Variants in MCOLN1 observed in about 807,000 individuals in gnomAD.
The protein encoded by MCOLN1 is mucolipin-1.
Under a neutral mutation model 70.3 loss-of-function variants are expected in MCOLN1, and 50 were observed. The observed-to-expected ratio is 0.71, with a 90% confidence interval of 0.57 to 0.90. The LOEUF (loss-of-function observed/expected upper bound fraction) is 0.90, where lower values mean the gene tolerates loss of function less well. Ranked by LOEUF, MCOLN1 falls within the 40% of genes least tolerant of loss-of-function variation. MCOLN1 has a pLI of 0.00. For missense variants in MCOLN1, 598 were observed against 803.5 expected (o/e 0.74, Z 3.09); for synonymous variants, 366 against 341.0 (o/e 1.07, Z -0.81).
rs951291657 is a variant in MCOLN1, at chr19:7,524,333, C to CTT, written c.32-627_32-626dup. On this transcript the variant is annotated intron_variant, in intron 1 of 13. Transcript: ENST00000264079. The surrounding 1 kb of genome is among the most constrained non-coding windows in gnomAD (Gnocchi z 4.1). ...TAGCGAATGTGTTCCATTATTATTA[C>CTT]TTATGTTGTCAATTACCTCTTCTCC... is the stretch of plus-strand genomic sequence containing the variant. Among the ~76,000 whole-genome samples the CTT allele has an allele frequency of 2.6e-5, 4 of 152,190 alleles. No homozygotes were observed. The highest frequency in any genetic ancestry group is 9.7e-5 in the African/African-American group (4 of 41,438).
Position 7,525,848 on chromosome 19 carries a change from A to T in MCOLN1, c.238-591A>T. 5.8e-6 allele frequency: 1 copy of T among 171,452 alleles called. No homozygotes were observed. The highest frequency in any genetic ancestry group is 1.3e-5 in the Non-Finnish European group (1 of 78,516). 10.6% of individuals were successfully genotyped at this position (171,452 alleles called of 1,614,324 possible). A position where few individuals can be genotyped will look rare whatever the true frequency, so the allele number is the denominator to read the frequency against. On this transcript the variant is annotated intron_variant, in intron 2 of 13. Coordinates refer to ENST00000264079, the MANE Select transcript of MCOLN1 (RefSeq NM_020533.3). This position sits in a 1 kb window ranked among gnomAD's most constrained non-coding sequence, Gnocchi z 4.2. ...GAGGCTGAGTTGGGTGGATCATTTG[A>T]GGCCAGGAGTTTGAGACCAGCCTGG... is the stretch of plus-strand genomic sequence containing the variant.
intron 10 of MCOLN1, 85 bp from the exon 11 acceptor site, chr19:7,529,505 C>CCCCCCCCCCCCCCCCCCA: frequency 2.6e-6 from 2 of 755,744 alleles, no homozygotes; most frequent in Non-Finnish European, 4.5e-6. Flanking sequence ...GGCAAGGCCC[C>CCCCCCCCCCCCCCCCCCA]GCCCCTCCCA....
In MCOLN1 at chr19:7,526,242, G is replaced by C; in HGVS notation, c.238-197G>C. On this transcript the variant is annotated intron_variant, in intron 2 of 13. Coordinates refer to ENST00000264079, the MANE Select transcript of MCOLN1 (RefSeq NM_020533.3). The surrounding 1 kb of genome is among the most constrained non-coding windows in gnomAD (Gnocchi z 4.6). ...TGGGCGTGGCATGGAGCTTATGCCA[G>C]GAGGTGGGGTGAAATTAATCAAAGC... is the stretch of plus-strand genomic sequence containing the variant. The C allele has an allele frequency of 1.5e-6, 1 of 672,536 alleles. No homozygotes were observed. Among genetic ancestry groups the C allele is most frequent in the South Asian group, 1.7e-5 (1 of 58,866 alleles). 41.7% of individuals were successfully genotyped at this position (672,536 alleles called of 1,614,324 possible).
Position 7,524,301 on chromosome 19 carries a change from G to T in MCOLN1, c.32-660G>T, listed in dbSNP as rs2022536081. 6.6e-6 allele frequency among the ~76,000 whole-genome samples: 1 copy of T among 152,208 alleles called. No individual in the cohort carries two copies. Among genetic ancestry groups the T allele is most frequent in the Non-Finnish European group, 1.5e-5 (1 of 68,032 alleles). On this transcript the variant is annotated intron_variant, in intron 1 of 13. Transcript: ENST00000264079. The surrounding 1 kb of genome is among the most constrained non-coding windows in gnomAD (Gnocchi z 4.1). ...CTGGTGCTTTTCAGGGAGATAAAATGAGTCTTTAGCGAATGTGTTCCATTA... is the reference window on the plus strand; with the variant it reads ...CTGGTGCTTTTCAGGGAGATAAAATTAGTCTTTAGCGAATGTGTTCCATTA...
In MCOLN1 at chr19:7,533,496, G is replaced by C. The variant is rs565683928; in HGVS notation, c.1576-27G>C. ...CTTGGAGGTTGGGAGCCACTTTCAGGCTGAGCCTCCCGGCTTCTCTCCCCA... is the reference window on the plus strand; with the variant it reads ...CTTGGAGGTTGGGAGCCACTTTCAGCCTGAGCCTCCCGGCTTCTCTCCCCA... On this transcript the variant is annotated intron_variant, in intron 12 of 13. Transcript: ENST00000264079. 43 of 1,609,994 alleles carry C rather than the reference G, an allele frequency of 2.7e-5. No homozygotes were observed. The African/African-American group carries it at 4.9e-4, about 18-fold the overall frequency.
At chr19:7,531,927 A>G (rs2022658082) in intron 12 of MCOLN1, among the ~76,000 whole-genome samples, 2 of 152,148 alleles carry the variant, frequency 1.3e-5, no homozygotes, top group Admixed American at 1.3e-4. Context: ...CAGGCTCCCA[A>G]AGTGCTGGGA....
Position 7,533,857 on chromosome 19 carries a change from G to C in MCOLN1, c.*62G>C. 6.3e-7 allele frequency: 1 copy of C among 1,592,374 alleles called. No homozygotes were observed. Among genetic ancestry groups the C allele is most frequent in the East Asian group, 2.2e-5 (1 of 44,558 alleles). ...TGCAGAGACCCCCGCCCCCGACCCC[G>C]CTTATTTATTTGTAGGGTTTGCTTT... On this transcript the variant is annotated 3_prime_UTR_variant, in exon 14 of 14. Transcript: ENST00000264079.
At chr19:7,523,555 A>G (rs1421027480) in intron 1 of MCOLN1, among the ~76,000 whole-genome samples, 12 of 152,220 alleles carry the variant, frequency 7.9e-5, no homozygotes. Context: ...AGGTTCTGAC[A>G]GTGCACACAT....
In MCOLN1 at chr19:7,526,519, GCTGGGCTA is replaced by G. The variant is rs1599253207; in HGVS notation, c.321_328del (p.Tyr109ArgfsTer4). 6.2e-7 allele frequency: 1 copy of G among 1,614,244 alleles called. No individual in the cohort carries two copies. The highest frequency in any genetic ancestry group is 8.5e-7 in the Non-Finnish European group (1 of 1,180,042). The stretch of plus-strand genomic sequence containing the variant: ...CCATCGCCTTCCGACACCTCTTCCT[GCTGGGCTA>G]CTCGGACGGAGCGGATGACACCTTC... On this transcript the variant is annotated frameshift_variant, in exon 3 of 14. Transcript: ENST00000264079. LOFTEE classifies it high-confidence loss of function. This position sits in a 1 kb window ranked among gnomAD's most constrained non-coding sequence, Gnocchi z 4.6.
chr19:7,528,085 C>A lies in MCOLN1; in HGVS notation c.778-73C>A, dbSNP rs916705572. 5.8e-6 allele frequency: 9 copies of A among 1,564,094 alleles called. No homozygotes were observed. Among genetic ancestry groups the A allele is most frequent in the Admixed American group, 1.7e-5 (1 of 59,892 alleles). ...ATGAGGGAGGGAGCCCGGGGTCTGT[C>A]AGGCCACCTGTCATGTGGACCTTGG... On this transcript the variant is annotated intron_variant, in intron 6 of 13. Coordinates refer to ENST00000264079, the MANE Select transcript of MCOLN1 (RefSeq NM_020533.3). The surrounding 1 kb of genome is among the most constrained non-coding windows in gnomAD (Gnocchi z 4.2).
At chr19:7,527,724 C>A (rs1472573313) in intron 5 of MCOLN1, 96 bp downstream of exon 5, 3 of 1,068,812 alleles carry the variant, frequency 2.8e-6, no homozygotes, top group Admixed American at 1.7e-5. Flanking sequence ...GGGGACAGGG[C>A]CCCCCCGCCC....
In MCOLN1 at chr19:7,525,996, A is replaced by T; in HGVS notation, c.238-443A>T. The T allele has an allele frequency of 4.3e-6, 1 of 232,788 alleles. No homozygotes were observed. The highest frequency in any genetic ancestry group is 8.6e-6 in the Non-Finnish European group (1 of 115,902). The allele number at this position is 232,788 out of a possible 1,614,324, so 14.4% of individuals were successfully genotyped here. A position where few individuals can be genotyped will look rare whatever the true frequency, so the allele number is the denominator to read the frequency against. On this transcript the variant is annotated intron_variant, in intron 2 of 13. Transcript: ENST00000264079. This position sits in a 1 kb window ranked among gnomAD's most constrained non-coding sequence, Gnocchi z 4.2. ...AGAATTGCTTGAACCCAGGGGGTGG[A>T]GGTTGTAGTGAGCTGAGATCATACC...
rs756591001 is a variant in MCOLN1 at position 7,527,471 on chromosome 19, C to T, written c.572-49C>T. 4.4e-5 allele frequency: 36 copies of T among 825,334 alleles called. No homozygotes were observed. In the South Asian group the frequency reaches 4.8e-4, roughly 11 times the overall value. 51.1% of individuals were successfully genotyped at this position (825,334 alleles called of 1,614,324 possible). On this transcript the variant is annotated intron_variant, in intron 4 of 13. Coordinates refer to ENST00000264079, the MANE Select transcript of MCOLN1 (RefSeq NM_020533.3). ...CCACTGGGGACTCTGGGGAGACCAG[C>T]CTGGCCTCCCCGGCCCCCTGAGGCC...
intron 1 of MCOLN1, among the ~76,000 whole-genome samples, chr19:7,523,191 C>T (rs958379124): frequency 3.9e-5 from 6 of 152,248 alleles, no homozygotes; most frequent in African/African-American, 7.2e-5. Context: ...TGCTCAGCTT[C>T]CCTAAGCTCA....
chr19:7,529,505 C>CCCCCCCCCCCCCCCCACCA, intron 10 of MCOLN1, 85 bp from the exon 11 acceptor site: 1 of 755,742 alleles, frequency 1.3e-6, no homozygotes, highest in Non-Finnish European at 2.3e-6. Flanking sequence ...GGCAAGGCCC[C>CCCCCCCCCCCCCCCCACCA]GCCCCTCCCA....
Position 7,533,562 on chromosome 19 carries a change from G to C in MCOLN1, c.1615G>C (p.Ala539Pro). Residue 539 changes from alanine to proline, a missense_variant, in exon 13 of 14, where the codon GCC (alanine) becomes CCC (proline). This residue lies in a region of MCOLN1 where 59 missense variants were observed against 58.8 expected (regional missense o/e 1.00). Coordinates refer to ENST00000264079, the MANE Select transcript of MCOLN1 (RefSeq NM_020533.3). ...AGGCGCAGAGGAGAGCGAGCTGCAGGCCTACATCGCACAGTGCCAGGACAG... is the reference window on the plus strand; with the variant it reads ...AGGCGCAGAGGAGAGCGAGCTGCAGCCCTACATCGCACAGTGCCAGGACAG... ...GAGAEESELQ[A>P]YIAQCQDSPT... The C allele has an allele frequency of 2.5e-6, 4 of 1,612,284 alleles. No homozygotes were observed. The highest frequency in any genetic ancestry group is 3.4e-6 in the Non-Finnish European group (4 of 1,179,948).
In MCOLN1 at chr19:7,525,199, GGCCA is replaced by G. The variant is rs545979416; in HGVS notation, c.237+34_237+37del. The G allele has an allele frequency of 3.3e-4, 515 of 1,583,746 alleles. 4 individuals carry two copies. The African/African-American group carries it at 6.1e-3, about 19-fold the overall frequency. On this transcript the variant is annotated intron_variant, in intron 2 of 13. Coordinates refer to ENST00000264079, the MANE Select transcript of MCOLN1 (RefSeq NM_020533.3). The surrounding 1 kb of genome is among the most constrained non-coding windows in gnomAD (Gnocchi z 4.2). ...CAGCCAAGCAGGGGCCCCAGCTGAA[GGCCA>G]CCTGTGGCTGCTGTGCTCCTTGAAG... is the stretch of plus-strand genomic sequence containing the variant.
chr19:7,528,502 G>T lies in MCOLN1; in HGVS notation c.878-95G>T. 1 of 1,531,544 alleles carries T rather than the reference G, an allele frequency of 6.5e-7. No homozygotes were observed. Among genetic ancestry groups the T allele is most frequent in the Non-Finnish European group, 8.9e-7 (1 of 1,122,154 alleles). The allele number at this position is 1,531,544 out of a possible 1,614,324, so 94.9% of individuals were successfully genotyped here. ...CCACTGACCAACCAAAACCAGCCGT[G>T]CAGCCCCCTAGGTCTCCAGCCTGGC... is the stretch of plus-strand genomic sequence containing the variant. On this transcript the variant is annotated intron_variant, in intron 7 of 13. Transcript: ENST00000264079. This position sits in a 1 kb window ranked among gnomAD's most constrained non-coding sequence, Gnocchi z 4.2.
Position 7,524,764 on chromosome 19 carries a change from C to T in MCOLN1, c.32-197C>T, listed in dbSNP as rs544921538. On this transcript the variant is annotated intron_variant, in intron 1 of 13. Coordinates refer to ENST00000264079, the MANE Select transcript of MCOLN1 (RefSeq NM_020533.3). The surrounding 1 kb of genome is among the most constrained non-coding windows in gnomAD (Gnocchi z 4.1). ...GCCCTGTACCTCCCAAACCCAAACT[C>T]ATAACCTCTGAGCAGGACGGGTGCA... Among the ~76,000 whole-genome samples, 33 of 152,348 alleles carry T rather than the reference C, an allele frequency of 2.2e-4. 1 individual carries two copies. Among genetic ancestry groups the T allele is most frequent in the African/African-American group, 7.0e-4 (29 of 41,584 alleles).
Sources: gnomAD v4.1 joint callset for allele counts (sites outside exome capture counted in the v4.1 genomes callset) on GRCh38, gnomAD v4.1.1 for gene constraint, gnomAD v4.1.1 regional missense constraint, Gnocchi (gnomAD v3.1) non-coding constraint, MANE v1.5 for transcripts, NCBI Gene and HGNC (gene_info 2026-07-23, HGNC 2026-07-21) for gene names.